Variants in FOCAD observed in about 807,000 individuals in gnomAD.
FOCAD encodes KIAA1797.
A neutral mutation model predicts 225.6 loss-of-function variants in FOCAD; 198 were observed. The ratio of observed to expected loss-of-function variants is 0.88; its 90% confidence interval spans 0.78 to 0.99. The LOEUF (loss-of-function observed/expected upper bound fraction) is 0.99, where lower values mean the gene tolerates loss of function less well. Ranked by LOEUF, FOCAD falls within the 50% of genes least tolerant of loss-of-function variation. The probability of loss-of-function intolerance (pLI) is 0.00; values close to 1 mark genes in which losing one functional copy is unlikely to be tolerated. For synonymous variants in FOCAD, 897 were observed against 755.0 expected (o/e 1.19, Z -3.08); for missense variants, 2,713 against 2,123.6 (o/e 1.28, Z -5.46).
chr9:20,835,473 A>C (rs544017913), intron 15 of FOCAD, among the ~76,000 whole-genome samples: 1 of 152,096 alleles, frequency 6.6e-6, no homozygotes, highest in Non-Finnish European at 1.5e-5. Flanking sequence ...AAATTTTACT[A>C]TCAGCCATTG....
chr9:20,680,723 T>C (rs771237589), upstream of FOCAD, among the ~76,000 whole-genome samples: 6 of 152,122 alleles, frequency 3.9e-5, no homozygotes, highest in Non-Finnish European at 7.4e-5. Context: ...TCCCAGCATT[T>C]TGGGAGGCCG....
intron 2 of FOCAD, among the ~76,000 whole-genome samples, chr9:20,667,778 T>C (rs1349061674): frequency 1.3e-5 from 2 of 152,114 alleles, no homozygotes; most frequent in Non-Finnish European, 2.9e-5. Flanking sequence ...TTCCAAAGAA[T>C]TAAGAAATTA....
intron 35 of FOCAD, among the ~76,000 whole-genome samples, chr9:20,955,468 G>T (rs969905261): frequency 1.1e-4 from 17 of 151,168 alleles, no homozygotes; most frequent in Non-Finnish European, 2.9e-5. Context: ...CTAAATAGAT[G>T]AGATTCCCTC....
At position 20,920,768 on chromosome 9, in the gene FOCAD, A is replaced by T. The variant is rs534420289; in HGVS notation, c.2853-2892A>T. ...CATAGGTGGGAATTGAACAATGAGA[A>T]CACATGGACACAGGAAAGGGAACAT... is the stretch of plus-strand genomic sequence containing the variant. On this transcript the variant is annotated intron_variant, in intron 24 of 43. Coordinates refer to ENST00000338382, the MANE Select transcript of FOCAD (RefSeq NM_001375567.1). 2.8e-4 allele frequency among the ~76,000 whole-genome samples: 42 copies of T among 151,776 alleles called. No individual in the cohort carries two copies. In the South Asian group the frequency reaches 8.3e-3, roughly 30 times the overall value.
chr9:20,719,285 G>T (rs1825589929), intron 3 of FOCAD, among the ~76,000 whole-genome samples: 1 of 152,122 alleles, frequency 6.6e-6, no homozygotes, highest in South Asian at 2.1e-4. Flanking sequence ...GTTTCACCAT[G>T]TTGGCCAGGC....
At chr9:20,935,508 C>T (rs960333922) in intron 28 of FOCAD, among the ~76,000 whole-genome samples, 2 of 152,180 alleles carry the variant, frequency 1.3e-5, no homozygotes, top group East Asian at 1.9e-4. Context: ...TCAAGTGATT[C>T]TCCTGCCTCA....
intron 4 of FOCAD, among the ~76,000 whole-genome samples, chr9:20,724,246 A>G (rs1289465597): frequency 2.0e-5 from 3 of 152,210 alleles, no homozygotes; most frequent in Admixed American, 1.3e-4. Flanking sequence ...CTAGCTGCAT[A>G]ATATTCCATT....
intron 35 of FOCAD, among the ~76,000 whole-genome samples, chr9:20,961,207 C>T (rs1283759872): frequency 1.3e-5 from 2 of 151,860 alleles, no homozygotes; most frequent in Non-Finnish European, 2.9e-5. Flanking sequence ...TTCTCTTTCT[C>T]TCCCTCTCTC....
chr9:20,725,285 A>T (rs1277502719), intron 4 of FOCAD, among the ~76,000 whole-genome samples: 1 of 152,170 alleles, frequency 6.6e-6, no homozygotes, highest in African/African-American at 2.4e-5. Flanking sequence ...CTTCTCTTTA[A>T]TTAGAGGTTT....
intron 20 of FOCAD, among the ~76,000 whole-genome samples, chr9:20,882,435 A>G (rs1196289725): frequency 6.6e-6 from 1 of 152,202 alleles, no homozygotes; most frequent in Non-Finnish European, 1.5e-5. Context: ...TTGCACCAAG[A>G]GCTAAAGAGC....
chr9:20,778,085 G>A (rs1400905426), intron 8 of FOCAD, among the ~76,000 whole-genome samples: 5 of 53,226 alleles, frequency 9.4e-5, no homozygotes, highest in African/African-American at 1.8e-4. Context: ...ACGAGACTCC[G>A]TCTCAAAAAA....
At chr9:20,969,955 T>C (rs1839617369) in intron 35 of FOCAD, among the ~76,000 whole-genome samples, 1 of 151,146 alleles carries the variant, frequency 6.6e-6, no homozygotes, top group Non-Finnish European at 1.5e-5. Context: ...AATACTTGAA[T>C]TATAGTTTTG....
chr9:20,770,230 C>G lies in FOCAD; in HGVS notation c.898C>G (p.Leu300Val), dbSNP rs1376716003. 6.2e-7 allele frequency: 1 copy of G among 1,613,508 alleles called. No homozygotes were observed. The highest frequency in any genetic ancestry group is 1.1e-5 in the South Asian group (1 of 91,068). Residue 300 changes from leucine (L) to valine (V), a missense_variant, in exon 8 of 44, where the codon CTG becomes GTG. Coordinates refer to ENST00000338382, the MANE Select transcript of FOCAD (RefSeq NM_001375567.1). Reference protein sequence around the residue: ...IHLLEHSVELLKEDFPVELVI... With the variant: ...IHLLEHSVELVKEDFPVELVI... ...CCTTTTAGAGCACAGTGTTGAACTT[C>G]TGAAGGAGGTAAGGATAGTAGTATA...
intron 2 of FOCAD, among the ~76,000 whole-genome samples, chr9:20,669,283 C>A (rs1326362121): frequency 1.3e-5 from 2 of 152,128 alleles, no homozygotes; most frequent in African/African-American, 2.4e-5. Context: ...ACTAGCCCTT[C>A]CTTTAATTGA....
At chr9:20,878,805 C>T (rs1319539386) in intron 19 of FOCAD, among the ~76,000 whole-genome samples, 1 of 152,142 alleles carries the variant, frequency 6.6e-6, no homozygotes, top group African/African-American at 2.4e-5. Flanking sequence ...GGCTTCAGAA[C>T]CTGGGAAGTG....
rs112284387 is a variant in FOCAD at position 20,720,318 on chromosome 9, G to GGT, written c.133-47_133-46dup. 6.1e-4 allele frequency: 864 copies of GGT among 1,420,912 alleles called. 1 individual carries two copies. Among genetic ancestry groups the GGT allele is most frequent in the Non-Finnish European group, 7.2e-4 (732 of 1,023,164 alleles). 88.0% of individuals were successfully genotyped at this position (1,420,912 alleles called of 1,614,324 possible). ...AATTACTCATTGATGAATGACCAAA[G>GGT]GTGTGTGTGTGTGTGTTTGCTGCTC... On this transcript the variant is annotated intron_variant, in intron 3 of 43. Coordinates refer to ENST00000338382, the MANE Select transcript of FOCAD (RefSeq NM_001375567.1).
intron 1 of FOCAD, among the ~76,000 whole-genome samples, chr9:20,714,870 A>G (rs1365415441): frequency 6.6e-6 from 1 of 152,168 alleles, no homozygotes; most frequent in Admixed American, 6.5e-5. Flanking sequence ...AAAAAAGTTC[A>G]CCTAGGCTTC....
At chr9:20,993,428 A>G in intron 43 of FOCAD, 100 bp downstream of exon 43, 1 of 976,206 alleles carries the variant, frequency 1.0e-6, no homozygotes, top group Non-Finnish European at 1.6e-6. Flanking sequence ...AGTATCTCTT[A>G]CCCGAAATGC....
rs750745266 is a variant in FOCAD, at chr9:20,865,947, A to G, written c.2077A>G (p.Ser693Gly). 6.8e-6 allele frequency: 11 copies of G among 1,609,274 alleles called. No individual in the cohort carries two copies. Among genetic ancestry groups the G allele is most frequent in the South Asian group, 1.1e-5 (1 of 90,098 alleles). Reference sequence around the variant, plus strand: ...TCAGAATTTTAAAGTTCAAGTCCTCAGCTTCCTCTGGACTCATACTCAAAA... The same window carrying G: ...TCAGAATTTTAAAGTTCAAGTCCTCGGCTTCCTCTGGACTCATACTCAAAA... ...EYENFKVQVL[S>G]FLWTHTQNKD... The change falls in exon 17 of 44, where the codon AGC (serine) becomes GGC (glycine). Residue 693 changes from serine to glycine, a missense_variant. By Grantham distance (56) the Ser-to-Gly change is moderately conservative (BLOSUM62 0). Coordinates refer to ENST00000338382, the MANE Select transcript of FOCAD (RefSeq NM_001375567.1).
Sources: gnomAD v4.1 joint callset for allele counts (sites outside exome capture counted in the v4.1 genomes callset) on GRCh38, gnomAD v4.1.1 for gene constraint, MANE v1.5 for transcripts, NCBI Gene and HGNC (gene_info 2026-07-23, HGNC 2026-07-21) for gene names.